The following KLF3 variants were observed in gnomAD, a reference collection of about 807,000 sequenced individuals.
KLF3 encodes the protein KLF transcription factor 3.
KLF3 carries 6 observed loss-of-function variants against 32.7 expected under a neutral mutation model. That is an observed-to-expected ratio of 0.18 (90% CI 0.10 to 0.36). The LOEUF is 0.36. Ranked by LOEUF, KLF3 falls within the 10% of genes least tolerant of loss-of-function variation. The pLI, the probability that KLF3 is intolerant of heterozygous loss-of-function variation, is 1.00. For synonymous variants in KLF3, 145 were observed against 172.8 expected, an observed-to-expected ratio of 0.84 and a Z score of 1.26; for missense variants, 338 against 449.7, an observed-to-expected ratio of 0.75 and a Z score of 2.25.
intron 1 of KLF3, among the ~76,000 whole-genome samples, chr4:38,677,878 AGTGTGT>A (rs56675939): frequency 0.015 from 2,165 of 146,264 alleles, 44 homozygotes; most frequent in African/African-American, 0.04. Flanking sequence ...GGGCAAAAGG[AGTGTGT>A]GTGTGTGTGT....
At chr4:38,686,533 G>C (rs1722704690) in intron 2 of KLF3, among the ~76,000 whole-genome samples, 1 of 150,408 alleles carries the variant, frequency 6.6e-6, no homozygotes, top group Non-Finnish European at 1.5e-5. Context: ...CTGTCATTTA[G>C]AGCATTGCTA....
Position 38,695,256 on chromosome 4 carries a change from G to A in KLF3, c.856+350G>A, listed in dbSNP as rs143511474. ...TTCCTGTGAGCTATTTCACATACCTGCATTGTAAATTCATGAGAGCGAACA... is the reference window on the plus strand; with the variant it reads ...TTCCTGTGAGCTATTTCACATACCTACATTGTAAATTCATGAGAGCGAACA... On this transcript the variant is annotated intron_variant, in intron 5 of 5. Coordinates refer to ENST00000261438, the MANE Select transcript of KLF3 (RefSeq NM_016531.6). Among the ~76,000 whole-genome samples, 206 of 152,320 alleles carry A rather than the reference G, an allele frequency of 1.4e-3. 1 individual carries two copies. The highest frequency in any genetic ancestry group is 4.7e-3 in the African/African-American group (196 of 41,570).
chr4:38,695,305 G>A (rs1282787656), intron 5 of KLF3, among the ~76,000 whole-genome samples: 1 of 152,170 alleles, frequency 6.6e-6, no homozygotes, highest in Non-Finnish European at 1.5e-5. Flanking sequence ...ACAAATTAAT[G>A]CAACAGTTTA....
At chr4:38,690,650 GCAGC>G (rs1579130743) in intron 4 of KLF3, 1 of 152,294 alleles carries the variant, frequency 6.6e-6, no homozygotes, top group East Asian at 1.9e-4. Context: ...ATTGGATTCA[GCAGC>G]CAGCTTCCTA....
At chr4:38,673,806 A>T (rs1387993184) in intron 1 of KLF3, among the ~76,000 whole-genome samples, 1 of 152,066 alleles carries the variant, frequency 6.6e-6, no homozygotes, top group Non-Finnish European at 1.5e-5. Flanking sequence ...TCCGAAGTAC[A>T]GGGTGTGGGC....
At chr4:38,669,893 C>CAAAAAAAAAAAAAAAAAAAAAAA (rs60339860) in intron 1 of KLF3, among the ~76,000 whole-genome samples, 1 of 41,174 alleles carries the variant, frequency 2.4e-5, no homozygotes, top group African/African-American at 9.1e-5. Flanking sequence ...GACTCTGTCT[C>CAAAAAAAAAAAAAAAAAAAAAAA]AAAAAAAAAA....
intron 1 of KLF3, among the ~76,000 whole-genome samples, chr4:38,675,397 C>CG (rs926963475): frequency 2.0e-5 from 3 of 151,870 alleles, no homozygotes; most frequent in African/African-American, 4.8e-5. Flanking sequence ...CCTTCCCCCC[C>CG]CTTTTGGATG....
At chr4:38,689,998 C>A in intron 4 of KLF3, 119 bp downstream of exon 4, 2 of 973,222 alleles carry the variant, frequency 2.1e-6, no homozygotes, top group Non-Finnish European at 3.0e-6. Context: ...GGCTTGTGAT[C>A]TGTGGCCGCC....
At position 38,698,895 on chromosome 4, in the gene KLF3, G is replaced by A. The variant is rs1327035627; in HGVS notation, c.*1632G>A. ...GAAGAGAGAAGAATGAAATCCTGAA[G>A]ATTCATCCCAGCCGCAACTCAGGAT... On this transcript the variant is annotated 3_prime_UTR_variant, in exon 6 of 6. Coordinates refer to ENST00000261438, the MANE Select transcript of KLF3 (RefSeq NM_016531.6). The A allele has an allele frequency of 6.6e-5, 10 of 152,212 alleles. No homozygotes were observed. 9.4% of individuals were successfully genotyped at this position (152,212 alleles called of 1,614,324 possible).
chr4:38,699,267 A>C lies in KLF3; in HGVS notation c.*2004A>C, dbSNP rs1723137232. ...TTGTTTTTCAGCTAAAGGCAAAGAT[A>C]ATTTTTTTTTCAGCTGAAGTTTTTC... On this transcript the variant is annotated 3_prime_UTR_variant, in exon 6 of 6. Coordinates refer to ENST00000261438, the MANE Select transcript of KLF3 (RefSeq NM_016531.6). The C allele has an allele frequency of 6.6e-6, 1 of 152,134 alleles. No homozygotes were observed. The highest frequency in any genetic ancestry group is 2.4e-5 in the African/African-American group (1 of 41,434). 9.4% of individuals were successfully genotyped at this position (152,134 alleles called of 1,614,324 possible). A position where few individuals can be genotyped will look rare whatever the true frequency, so the allele number is the denominator to read the frequency against.
chr4:38,688,469 A>G lies in KLF3; in HGVS notation c.58-116A>G. 1 of 1,045,570 alleles carries G rather than the reference A, an allele frequency of 9.6e-7. No individual in the cohort carries two copies. The highest frequency in any genetic ancestry group is 1.4e-6 in the Non-Finnish European group (1 of 722,238). The allele number at this position is 1,045,570 out of a possible 1,614,324, so 64.8% of individuals were successfully genotyped here. A position where few individuals can be genotyped will look rare whatever the true frequency, so the allele number is the denominator to read the frequency against. On this transcript the variant is annotated intron_variant, in intron 2 of 5. Coordinates refer to ENST00000261438, the MANE Select transcript of KLF3 (RefSeq NM_016531.6). This position sits in a 1 kb window ranked among gnomAD's most constrained non-coding sequence, Gnocchi z 4.9. Reference sequence around the variant, plus strand: ...TCACATATATATCGAAATCTAAACTATTTTGTAAAGCCCATGTAATTGTTA... The same window carrying G: ...TCACATATATATCGAAATCTAAACTGTTTTGTAAAGCCCATGTAATTGTTA...
At chr4:38,677,878 AGTGTGTGTGTGTGTGTGTGT>A (rs56675939) in intron 1 of KLF3, among the ~76,000 whole-genome samples, 2 of 146,318 alleles carry the variant, frequency 1.4e-5, no homozygotes, top group Middle Eastern at 3.4e-3. Context: ...GGGCAAAAGG[AGTGTGTGTGTGTGTGTGTGT>A]GTGTGTGTGT....
chr4:38,666,388 CTTT>C (rs1424930820), intron 1 of KLF3, among the ~76,000 whole-genome samples: 1 of 143,242 alleles, frequency 7.0e-6, no homozygotes, highest in Non-Finnish European at 1.5e-5. Flanking sequence ...CTTTTTTTTT[CTTT>C]TTTTTTTTCC....
Position 38,697,602 on chromosome 4 carries a change from A to G in KLF3, c.*339A>G. Reference sequence around the variant, plus strand: ...ATTGTCAGTTCTCCATGTATTCCTCAAAAGAATGTCAGAGTAAATGTATTA... The same window carrying G: ...ATTGTCAGTTCTCCATGTATTCCTCGAAAGAATGTCAGAGTAAATGTATTA... On this transcript the variant is annotated 3_prime_UTR_variant, in exon 6 of 6. Transcript: ENST00000261438. The G allele has an allele frequency of 4.8e-6, 1 of 209,650 alleles. No homozygotes were observed. The highest frequency in any genetic ancestry group is 1.6e-4 in the South Asian group (1 of 6,306). 13.0% of individuals were successfully genotyped at this position (209,650 alleles called of 1,614,324 possible). A position where few individuals can be genotyped will look rare whatever the true frequency, so the allele number is the denominator to read the frequency against.
Position 38,671,102 on chromosome 4 carries a change from G to A in KLF3, c.-40+6641G>A, listed in dbSNP as rs947530924. Among the ~76,000 whole-genome samples the A allele has an allele frequency of 2.6e-5, 4 of 152,180 alleles. No homozygotes were observed. The South Asian group carries it at 6.2e-4, about 24-fold the overall frequency. On this transcript the variant is annotated intron_variant, in intron 1 of 5. Coordinates refer to ENST00000261438, the MANE Select transcript of KLF3 (RefSeq NM_016531.6). The surrounding 1 kb of genome is among the most constrained non-coding windows in gnomAD (Gnocchi z 4.4). ...CATTAGGCGATTTTACCTAAAAGTC[G>A]GTCCCACAGCACAGGCTCTGAAGCA...
rs1456833881 is a variant in KLF3 at position 38,680,646 on chromosome 4, TC to T, written c.23del (p.Pro8LeufsTer22). ...AAAGAATGCTCATGTTTGACCCAGTTCCTGTCAAGCAAGAGGCCATGGACCC... is the reference window on the plus strand; with the variant it reads ...AAAGAATGCTCATGTTTGACCCAGTTCTGTCAAGCAAGAGGCCATGGACCC... MLMFDPV[P>X]VKQEAMDPVS... On this transcript the variant is annotated frameshift_variant, in exon 2 of 6. Transcript: ENST00000261438. LOFTEE classifies it high-confidence loss of function. The T allele has an allele frequency of 6.2e-7, 1 of 1,613,812 alleles. No homozygotes were observed. The highest frequency in any genetic ancestry group is 1.1e-5 in the South Asian group (1 of 91,058).
intron 1 of KLF3, among the ~76,000 whole-genome samples, chr4:38,679,285 A>T (rs1722446345): frequency 6.6e-6 from 1 of 152,222 alleles, no homozygotes; most frequent in African/African-American, 2.4e-5. Context: ...CAAATGGTCA[A>T]TAGAGCTGAA....
At chr4:38,677,744 G>A (rs753107703) in intron 1 of KLF3, among the ~76,000 whole-genome samples, 1 of 152,162 alleles carries the variant, frequency 6.6e-6, no homozygotes, top group African/African-American at 2.4e-5. Flanking sequence ...GACCTCTAAG[G>A]CTAGTGTATG....
intron 1 of KLF3, among the ~76,000 whole-genome samples, chr4:38,672,092 A>C (rs1482291950): frequency 1.3e-5 from 2 of 152,192 alleles, no homozygotes; most frequent in African/African-American, 2.4e-5. Context: ...GGTTAGGGGC[A>C]ATAACTTTTC....
Sources: gnomAD v4.1 joint callset for allele counts (sites outside exome capture counted in the v4.1 genomes callset) on GRCh38, gnomAD v4.1.1 for gene constraint, Gnocchi (gnomAD v3.1) non-coding constraint, MANE v1.5 for transcripts, NCBI Gene and HGNC (gene_info 2026-07-23, HGNC 2026-07-21) for gene names.